PRDM1: variants seen among roughly 807,000 people sequenced by gnomAD.
The protein encoded by PRDM1 is PR/SET domain 1.
A neutral mutation model predicts 62.8 loss-of-function variants in PRDM1; 13 were observed. The observed-to-expected ratio is 0.21, with a 90% CI of 0.13 to 0.33. The LOEUF (loss-of-function observed/expected upper bound fraction) is 0.33, where lower values mean the gene tolerates loss of function less well. PRDM1 is among the 10% of genes least tolerant of loss of function. The probability of loss-of-function intolerance (pLI) is 1.00; values close to 1 mark genes in which losing one functional copy is unlikely to be tolerated. For missense variants in PRDM1, 895 were observed against 1,058.8 expected (o/e 0.85, Z 2.15); for synonymous variants, 396 against 417.6 (o/e 0.95, Z 0.63).
intron 3 of PRDM1, chr6:106,098,477 T>C (rs769981111): frequency 7.1e-5 from 84 of 1,189,604 alleles, no homozygotes; most frequent in Non-Finnish European, 8.6e-5. Flanking sequence ...CATACTTTCT[T>C]CCTGTTCTTT....
At chr6:106,072,772 G>A (rs549187812) in intron 1 of PRDM1, among the ~76,000 whole-genome samples, 10 of 152,326 alleles carry the variant, frequency 6.6e-5, no homozygotes, top group African/African-American at 2.4e-4. Flanking sequence ...GGTGGATTGA[G>A]CTGTTCTCTG....
At chr6:106,073,751 G>C (rs1417885387) in intron 1 of PRDM1, among the ~76,000 whole-genome samples, 1 of 152,226 alleles carries the variant, frequency 6.6e-6, no homozygotes, top group African/African-American at 2.4e-5. Context: ...CCCATGAGGA[G>C]GGAGGCCTGG....
intron 1 of PRDM1, among the ~76,000 whole-genome samples, chr6:106,041,709 A>G (rs1773000986): frequency 6.6e-6 from 1 of 152,162 alleles, no homozygotes; most frequent in African/African-American, 2.4e-5. Flanking sequence ...TAATTTTTTA[A>G]AAGTTACGTA....
chr6:106,109,016 A>G lies in PRDM1; in HGVS notation c.*1530A>G, dbSNP rs1046392325. On this transcript the variant is annotated 3_prime_UTR_variant, in exon 7 of 7. Transcript: ENST00000369096. ...TATTTATAAATCTATTTATACCACT[A>G]TATCATATGTATATATATTTATAAC... The G allele has an allele frequency of 9.4e-6, 2 of 212,810 alleles. No individual in the cohort carries two copies. The highest frequency in any genetic ancestry group is 4.5e-5 in the African/African-American group (2 of 44,006). 13.2% of individuals were successfully genotyped at this position (212,810 alleles called of 1,614,324 possible). A position where few individuals can be genotyped will look rare whatever the true frequency, so the allele number is the denominator to read the frequency against.
chr6:106,105,771 G>T lies in PRDM1; in HGVS notation c.1611G>T (p.Ala537=). 1 of 1,614,182 alleles carries T rather than the reference G, an allele frequency of 6.2e-7. No homozygotes were observed. The highest frequency in any genetic ancestry group is 8.5e-7 in the Non-Finnish European group (1 of 1,180,038). Residue 537 remains alanine, a synonymous_variant, in exon 5 of 7, where the codon GCG becomes GCT. Coordinates refer to ENST00000369096, the MANE Select transcript of PRDM1 (RefSeq NM_001198.4). ...TGCAGCCCAAAGCTACCTCAGCAGC[G>T]ATGGCAGCCCCCAGCAGCGACGAAG... ...HVVQPKATSA[A]MAAPSSDEAM...
chr6:105,998,868 T>C lies in PRDM1; in HGVS notation c.-67+5229T>C, dbSNP rs931293925. 4.0e-5 allele frequency among the ~76,000 whole-genome samples: 6 copies of C among 149,318 alleles called. No homozygotes were observed. In the South Asian group the frequency reaches 6.3e-4, roughly 16 times the overall value. ...TAATCAACCTGGCTATTGTTTTGCA[T>C]TGGGATTTTTAAAAGTTAATACATA... is the stretch of plus-strand genomic sequence containing the variant. On this transcript the variant is annotated intron_variant, in intron 1 of 6. Coordinates refer to the PRDM1 transcript ENST00000652320.
At chr6:106,053,914 TG>T (rs1190706573) in intron 1 of PRDM1, among the ~76,000 whole-genome samples, 2 of 147,580 alleles carry the variant, frequency 1.4e-5, no homozygotes, top group Admixed American at 6.9e-5. Flanking sequence ...TACAGAGTGG[TG>T]AGATCTTTTG....
At chr6:106,075,060 T>C (rs1202289148) in intron 1 of PRDM1, among the ~76,000 whole-genome samples, 2 of 152,260 alleles carry the variant, frequency 1.3e-5, no homozygotes, top group Admixed American at 6.5e-5. Context: ...TTGGTCCCAA[T>C]TGCATTGGAT....
At chr6:106,100,920 C>T (rs1372716426) in intron 4 of PRDM1, among the ~76,000 whole-genome samples, 1 of 152,090 alleles carries the variant, frequency 6.6e-6, no homozygotes, top group Non-Finnish European at 1.5e-5. Flanking sequence ...CAGTTCTTTT[C>T]CCTCATGTCT....
At chr6:105,997,068 G>A (rs1341208803) in intron 1 of PRDM1, among the ~76,000 whole-genome samples, 1 of 152,144 alleles carries the variant, frequency 6.6e-6, no homozygotes, top group Admixed American at 6.5e-5. Context: ...AATTCTAGAT[G>A]GCCAATATAA....
In PRDM1 at chr6:106,106,032, A is replaced by G; in HGVS notation, c.1773+99A>G. 6.7e-7 allele frequency: 1 copy of G among 1,485,316 alleles called. No homozygotes were observed. Among genetic ancestry groups the G allele is most frequent in the Non-Finnish European group, 9.0e-7 (1 of 1,113,104 alleles). 92.0% of individuals were successfully genotyped at this position (1,485,316 alleles called of 1,614,324 possible). A position where few individuals can be genotyped will look rare whatever the true frequency, so the allele number is the denominator to read the frequency against. On this transcript the variant is annotated intron_variant, in intron 5 of 6. Coordinates refer to ENST00000369096, the MANE Select transcript of PRDM1 (RefSeq NM_001198.4). This position sits in a 1 kb window ranked among gnomAD's most constrained non-coding sequence, Gnocchi z 4.4. ...GGGTATCGATTGCATTTGCAGTAGTATGAGCCCCCGGTTGGGGATAGTGGG... is the reference window on the plus strand; with the variant it reads ...GGGTATCGATTGCATTTGCAGTAGTGTGAGCCCCCGGTTGGGGATAGTGGG...
intron 1 of PRDM1, among the ~76,000 whole-genome samples, chr6:106,054,670 G>A (rs765979029): frequency 3.9e-5 from 6 of 152,178 alleles, no homozygotes; most frequent in Admixed American, 6.5e-5. Flanking sequence ...TAAGGACCAT[G>A]TGCATTTTAC....
chr6:106,088,625 C>T (rs1226368694), intron 2 of PRDM1, among the ~76,000 whole-genome samples, 176 bp downstream of exon 2: 7 of 152,174 alleles, frequency 4.6e-5, no homozygotes, highest in Admixed American at 4.6e-4. Flanking sequence ...ATTTCCTTCT[C>T]ATTTCTTCCA....
At chr6:106,062,882 A>C (rs1773366558) in intron 1 of PRDM1, among the ~76,000 whole-genome samples, 1 of 152,144 alleles carries the variant, frequency 6.6e-6, no homozygotes, top group African/African-American at 2.4e-5. Flanking sequence ...TGTTTTTAAG[A>C]GTCAAAGGAA....
At chr6:106,028,502 T>C (rs187433311) in intron 1 of PRDM1, among the ~76,000 whole-genome samples, 165 of 152,354 alleles carry the variant, frequency 1.1e-3, no homozygotes, top group Non-Finnish European at 7.9e-4. Flanking sequence ...ATTCATGTAA[T>C]GGAATACTAA....
intron 1 of PRDM1, among the ~76,000 whole-genome samples, chr6:106,009,795 G>C (rs1037525178): frequency 2.0e-5 from 3 of 152,054 alleles, no homozygotes; most frequent in African/African-American, 7.2e-5. Flanking sequence ...TCAGCTCACT[G>C]CAACCTCTGC....
intron 1 of PRDM1, among the ~76,000 whole-genome samples, chr6:106,039,288 TAGAC>T (rs931369993): frequency 1.8e-4 from 27 of 152,298 alleles, no homozygotes; most frequent in Middle Eastern, 3.4e-3. Context: ...CCTTTAAAAA[TAGAC>T]AGAGAGCCTT....
chr6:105,993,017 A>G (rs1260203400), upstream of PRDM1, among the ~76,000 whole-genome samples: 1 of 152,146 alleles, frequency 6.6e-6, no homozygotes, highest in Non-Finnish European at 1.5e-5. Flanking sequence ...GGGTCCCAAG[A>G]CATGACCTAA....
chr6:106,028,736 C>T (rs1241204297), intron 1 of PRDM1, among the ~76,000 whole-genome samples: 1 of 152,062 alleles, frequency 6.6e-6, no homozygotes, highest in African/African-American at 2.4e-5. Context: ...GATGAACATT[C>T]CATTAGCAAC....
Sources: allele counts gnomAD v4.1 joint callset (sites outside exome capture counted in the v4.1 genomes callset), GRCh38; gene constraint gnomAD v4.1.1; non-coding constraint Gnocchi (gnomAD v3.1); transcripts MANE v1.5; gene names NCBI Gene and HGNC (gene_info 2026-07-23, HGNC 2026-07-21).